The following ANKFN1 variants were observed in gnomAD, a reference collection of about 807,000 sequenced individuals.
ANKFN1 encodes ankyrin repeat and fibronectin type-III domain-containing protein 1.
A neutral mutation model predicts 108.7 loss-of-function variants in ANKFN1; 74 were observed. That is an observed-to-expected ratio of 0.68 (90% confidence interval 0.56 to 0.83). The LOEUF is 0.83. ANKFN1 is among the 40% of genes least tolerant of loss of function. The pLI, the probability that ANKFN1 is intolerant of heterozygous loss-of-function variation, is 0.00. For synonymous variants in ANKFN1, 547 were observed against 516.2 expected, an observed-to-expected ratio of 1.06 and a Z score of -0.81; for missense variants, 1,505 against 1,382.3, an observed-to-expected ratio of 1.09 and a Z score of -1.41.
intron 4 of ANKFN1, among the ~76,000 whole-genome samples, chr17:56,131,809 G>T (rs1049323323): frequency 6.6e-6 from 1 of 152,150 alleles, no homozygotes; most frequent in Admixed American, 6.5e-5. Context: ...GATTTCTTGA[G>T]CCCAGGAGTT....
In ANKFN1 at chr17:56,307,420, T is replaced by G. The variant is rs1293523922; in HGVS notation, c.54-18801T>G. Among the ~76,000 whole-genome samples the G allele has an allele frequency of 3.9e-5, 6 of 152,298 alleles. No individual in the cohort carries two copies. In the South Asian group the frequency reaches 1.0e-3, roughly 26 times the overall value. On this transcript the variant is annotated intron_variant, in intron 3 of 20. Transcript: ENST00000682825. ...ACCCCATCAAAAAGTGGGCGAAGGA[T>G]GTGAACAGACACTTCTCAAAAGAAG...
chr17:56,053,377 C>T (rs1904811235), intron 4 of ANKFN1, among the ~76,000 whole-genome samples: 1 of 152,136 alleles, frequency 6.6e-6, no homozygotes, highest in Non-Finnish European at 1.5e-5. Flanking sequence ...TTTTAGCACC[C>T]ACAAGTGTAA....
At chr17:56,366,752 T>C (rs2046674441) in intron 6 of ANKFN1, among the ~76,000 whole-genome samples, 2 of 152,216 alleles carry the variant, frequency 1.3e-5, no homozygotes, top group South Asian at 4.1e-4. Flanking sequence ...TCTGGCTGTG[T>C]GGTAGGCTAT....
At position 56,070,091 on chromosome 17, in the gene ANKFN1, T is replaced by C. The variant is rs1198468771; in HGVS notation, c.288+23766T>C. Among the ~76,000 whole-genome samples the C allele has an allele frequency of 5.3e-5, 8 of 152,196 alleles. No individual in the cohort carries two copies. In the East Asian group the frequency reaches 1.5e-3, roughly 29 times the overall value. ...CAACCTGTTTTATCAGCAAGGTCTT[T>C]ATGACCTGTATCTTGTGCCCACCTC... On this transcript the variant is annotated intron_variant, in intron 4 of 12. Transcript: ENST00000635860.
At chr17:56,457,120 G>A in intron 12 of ANKFN1, 137 bp from the exon 13 acceptor site, 1 of 1,105,502 alleles carries the variant, frequency 9.0e-7, no homozygotes. Flanking sequence ...TCTCTTTTGA[G>A]TTGTAACTAG....
chr17:56,453,849 A>G (rs191662226), intron 11 of ANKFN1, among the ~76,000 whole-genome samples: 3 of 151,450 alleles, frequency 2.0e-5, no homozygotes, highest in East Asian at 3.9e-4. Context: ...AGCTTTCAGG[A>G]CTAAGTCTGA....
At chr17:56,499,862 C>G (rs546565104) in intron 20 of ANKFN1, among the ~76,000 whole-genome samples, 1 of 152,246 alleles carries the variant, frequency 6.6e-6, no homozygotes, top group East Asian at 1.9e-4. Flanking sequence ...GTGCCATTTT[C>G]TAGTCAATTA....
chr17:56,331,188 A>G (rs895639793), intron 4 of ANKFN1, among the ~76,000 whole-genome samples: 7 of 152,252 alleles, frequency 4.6e-5, no homozygotes, highest in Non-Finnish European at 1.0e-4. Context: ...ATCATAGTAC[A>G]TTTGCAGCTG....
intron 4 of ANKFN1, among the ~76,000 whole-genome samples, chr17:56,104,927 G>A (rs1905715700): frequency 6.6e-6 from 1 of 152,122 alleles, no homozygotes; most frequent in South Asian, 2.1e-4. Context: ...CTTCAGCCAG[G>A]GGCTGGGTAT....
chr17:56,275,123 T>G (rs779075275), intron 3 of ANKFN1, among the ~76,000 whole-genome samples: 1 of 152,148 alleles, frequency 6.6e-6, no homozygotes, highest in Non-Finnish European at 1.5e-5. Context: ...CTATAATCAC[T>G]GATCCTTACC....
At chr17:56,085,566 C>G (rs952587022) in intron 4 of ANKFN1, among the ~76,000 whole-genome samples, 2 of 151,202 alleles carry the variant, frequency 1.3e-5, no homozygotes, top group Non-Finnish European at 3.0e-5. Flanking sequence ...TTGTTTTAAG[C>G]CACTGAGTTT....
chr17:56,317,706 A>G (rs2045248373), intron 3 of ANKFN1, among the ~76,000 whole-genome samples: 1 of 152,196 alleles, frequency 6.6e-6, no homozygotes, highest in Non-Finnish European at 1.5e-5. Flanking sequence ...GTGGTGGACA[A>G]TATGACAACA....
chr17:56,497,994 T>C (rs1041805049), intron 19 of ANKFN1, among the ~76,000 whole-genome samples: 2 of 152,106 alleles, frequency 1.3e-5, no homozygotes, highest in Non-Finnish European at 2.9e-5. Flanking sequence ...CATCTATATA[T>C]ACAGAGAGAC....
intron 8 of ANKFN1, among the ~76,000 whole-genome samples, chr17:56,375,718 A>G (rs1157103668): frequency 6.6e-6 from 1 of 152,202 alleles, no homozygotes; most frequent in Admixed American, 6.5e-5. Flanking sequence ...AAGAAAGGGA[A>G]AGCCCAAAGG....
chr17:56,500,690 A>G (rs1364949133), intron 20 of ANKFN1, among the ~76,000 whole-genome samples: 1 of 152,168 alleles, frequency 6.6e-6, no homozygotes. Flanking sequence ...AGATTGTACA[A>G]CTGTTTGTAG....
chr17:56,424,062 G>A (rs2048486659), intron 8 of ANKFN1, among the ~76,000 whole-genome samples: 2 of 152,188 alleles, frequency 1.3e-5, no homozygotes, highest in South Asian at 4.1e-4. Context: ...TTTTATACTT[G>A]AAGAAACTGG....
intron 3 of ANKFN1, chr17:56,257,884 C>T (rs2043398921): frequency 6.6e-6 from 1 of 152,202 alleles, no homozygotes; most frequent in Admixed American, 6.5e-5. Flanking sequence ...TCTCTCTAAC[C>T]CCTCCACCTT....
At chr17:56,272,602 C>T (rs1167524556) in intron 3 of ANKFN1, among the ~76,000 whole-genome samples, 1 of 152,058 alleles carries the variant, frequency 6.6e-6, no homozygotes, top group East Asian at 1.9e-4. Context: ...GTTGCTTCTA[C>T]CTTTTGATTA....
At chr17:56,216,696 T>G (rs1915448591) in intron 2 of ANKFN1, among the ~76,000 whole-genome samples, 1 of 152,210 alleles carries the variant, frequency 6.6e-6, no homozygotes, top group Admixed American at 6.5e-5. Context: ...TTTCTATTTT[T>G]TAAACAAGGC....
Sources: allele counts gnomAD v4.1 joint callset (sites outside exome capture counted in the v4.1 genomes callset), GRCh38; gene constraint gnomAD v4.1.1; transcripts MANE v1.5; gene names NCBI Gene and HGNC (gene_info 2026-07-23, HGNC 2026-07-21).